AXDND1: variants seen among roughly 807,000 people sequenced by gnomAD.
AXDND1 encodes the protein axonemal dynein light chain domain-containing protein 1.
A neutral mutation model predicts 137.5 loss-of-function variants in AXDND1; 110 were observed. The ratio of observed to expected loss-of-function variants is 0.80; its 90% CI spans 0.69 to 0.94. The LOEUF (loss-of-function observed/expected upper bound fraction) is 0.94, where lower values mean the gene tolerates loss of function less well. Ranked by LOEUF, AXDND1 falls within the 40% of genes least tolerant of loss-of-function variation. The pLI is 0.00. For missense variants in AXDND1, 1,191 were observed against 1,169.8 expected, an observed-to-expected ratio of 1.02 and a Z score of -0.26; for synonymous variants, 414 against 399.7, an observed-to-expected ratio of 1.04 and a Z score of -0.43.
intron 16 of AXDND1, among the ~76,000 whole-genome samples, chr1:179,459,801 T>C (rs1661984481): frequency 6.8e-6 from 1 of 147,786 alleles, no homozygotes; most frequent in Admixed American, 6.8e-5. Context: ...CTCTCTCTCT[T>C]TCTTTCCTTC....
At chr1:179,407,063 T>C (rs956684918) in intron 11 of AXDND1, among the ~76,000 whole-genome samples, 21 of 152,110 alleles carry the variant, frequency 1.4e-4, no homozygotes, top group Non-Finnish European at 1.8e-4. Context: ...TGCATGATGG[T>C]AGATATTGTC....
intron 12 of AXDND1, among the ~76,000 whole-genome samples, chr1:179,417,672 C>A (rs1333144505): frequency 6.6e-6 from 1 of 151,900 alleles, no homozygotes; most frequent in Non-Finnish European, 1.5e-5. Flanking sequence ...GTTCTTTTTG[C>A]ACAGGATTGC....
chr1:179,368,824 A>C lies in AXDND1; in HGVS notation c.122A>C (p.Lys41Thr). Residue 41 changes from lysine (K) to threonine (T), a missense_variant, in exon 3 of 26, where the codon AAA (lysine) becomes ACA (threonine). By Grantham distance (78) the Lys-to-Thr change is moderately conservative. Coordinates refer to ENST00000367618, the MANE Select transcript of AXDND1 (RefSeq NM_144696.6). ...TRGLPELKEK[K>T]NMVDRSKLLP... ...GGACTTCCTGAGCTAAAGGAGAAAAAAAATATGGTGGATCGTTCAAAACTC... is the reference window on the plus strand; with the variant it reads ...GGACTTCCTGAGCTAAAGGAGAAAACAAATATGGTGGATCGTTCAAAACTC... 1 of 1,611,962 alleles carries C rather than the reference A, an allele frequency of 6.2e-7. No individual in the cohort carries two copies. The highest frequency in any genetic ancestry group is 8.5e-7 in the Non-Finnish European group (1 of 1,179,268).
intron 11 of AXDND1, among the ~76,000 whole-genome samples, chr1:179,403,606 C>T (rs1343167313): frequency 6.6e-6 from 1 of 152,208 alleles, no homozygotes; most frequent in African/African-American, 2.4e-5. Context: ...CAGAGTCTCG[C>T]TCTGTCGCCC....
At chr1:179,519,944 A>G (rs771184972) in intron 21 of AXDND1, among the ~76,000 whole-genome samples, 6 of 152,284 alleles carry the variant, frequency 3.9e-5, no homozygotes, top group Non-Finnish European at 7.4e-5. Flanking sequence ...GTAGTTTGAT[A>G]GGAATAGCAT....
intron 21 of AXDND1, among the ~76,000 whole-genome samples, chr1:179,510,887 C>A (rs1668976827): frequency 6.6e-6 from 1 of 151,682 alleles, no homozygotes; most frequent in Non-Finnish European, 1.5e-5. Flanking sequence ...GTCTTTTATC[C>A]CTTGCCCCCC....
At position 179,551,266 on chromosome 1, in the gene AXDND1, G is replaced by T. The variant is rs373172860; in HGVS notation, c.3032-3246G>T. 3 of 1,614,104 alleles carry T rather than the reference G, an allele frequency of 1.9e-6. No individual in the cohort carries two copies. The highest frequency in any genetic ancestry group is 2.5e-6 in the Non-Finnish European group (3 of 1,180,000). Reference sequence around the variant, plus strand: ...GGAGGCTTCCCTGAGTTCTGTTGCTGGGAGAAGACAGGCAATTCAGTAGGT... The same window carrying T: ...GGAGGCTTCCCTGAGTTCTGTTGCTTGGAGAAGACAGGCAATTCAGTAGGT... On this transcript the variant is annotated intron_variant, in intron 25 of 25. Coordinates refer to ENST00000367618, the MANE Select transcript of AXDND1 (RefSeq NM_144696.6).
intron 11 of AXDND1, among the ~76,000 whole-genome samples, chr1:179,409,380 G>A (rs78371342): frequency 0.066 from 9,996 of 152,076 alleles, 382 homozygotes; most frequent in African/African-American, 0.08. Flanking sequence ...AAAAAAATAT[G>A]TAAGATCTTG....
chr1:179,520,488 G>T (rs1160501579), intron 21 of AXDND1, among the ~76,000 whole-genome samples: 3 of 151,498 alleles, frequency 2.0e-5, no homozygotes, highest in Non-Finnish European at 4.4e-5. Flanking sequence ...ATGTTGCCTC[G>T]GCTGGTCTCA....
At chr1:179,545,922 G>A (rs1672600978) in intron 25 of AXDND1, 1 of 152,198 alleles carries the variant, frequency 6.6e-6, no homozygotes, top group African/African-American at 2.4e-5. Flanking sequence ...AAAAGATAAT[G>A]TATTGAAAGG....
At chr1:179,542,486 C>T (rs185881395) in intron 25 of AXDND1, among the ~76,000 whole-genome samples, 30 of 152,316 alleles carry the variant, frequency 2.0e-4, no homozygotes, top group African/African-American at 5.8e-4. Context: ...TATTACAAGT[C>T]TGACAATCAG....
rs766479859 is a variant in AXDND1, at chr1:179,366,459, T to A, written c.-51T>A. On this transcript the variant is annotated 5_prime_UTR_variant, in exon 2 of 26. Transcript: ENST00000367618. ...GGCGCTGATTTGTGTCTAAATTAGC[T>A]TTCCGGAGGACTATTTCAAATTACT... 4.0e-6 allele frequency: 6 copies of A among 1,486,242 alleles called. No individual in the cohort carries two copies. The highest frequency in any genetic ancestry group is 4.7e-6 in the Non-Finnish European group (5 of 1,065,966). 92.1% of individuals were successfully genotyped at this position (1,486,242 alleles called of 1,614,324 possible).
At chr1:179,520,798 T>G (rs1669977422) in intron 21 of AXDND1, among the ~76,000 whole-genome samples, 1 of 150,544 alleles carries the variant, frequency 6.6e-6, no homozygotes, top group South Asian at 2.1e-4. Context: ...CTGAATATTT[T>G]ATTTTTTGCT....
At chr1:179,447,772 A>T (rs1272554063) in intron 16 of AXDND1, 8 of 1,336,038 alleles carry the variant, frequency 6.0e-6, no homozygotes, top group African/African-American at 2.9e-5. Context: ...TCTTGAGTTT[A>T]CAAATTCATT....
chr1:179,514,307 G>T (rs113262069), intron 21 of AXDND1, among the ~76,000 whole-genome samples: 1 of 151,956 alleles, frequency 6.6e-6, no homozygotes, highest in African/African-American at 2.4e-5. Flanking sequence ...TTTAATTTCC[G>T]TCTGAGTTTT....
At chr1:179,417,842 G>A (rs906873514) in intron 12 of AXDND1, among the ~76,000 whole-genome samples, 1 of 151,952 alleles carries the variant, frequency 6.6e-6, no homozygotes, top group Non-Finnish European at 1.5e-5. Flanking sequence ...TCCAGTCCAT[G>A]AGCATGGAAT....
intron 25 of AXDND1, among the ~76,000 whole-genome samples, chr1:179,550,247 G>A (rs529894290): frequency 7.9e-5 from 12 of 152,110 alleles, no homozygotes; most frequent in Non-Finnish European, 1.3e-4. Flanking sequence ...TTTTTCTGCA[G>A]ATATGCATTT....
At chr1:179,372,356 G>A (rs1668116213) in intron 4 of AXDND1, among the ~76,000 whole-genome samples, 1 of 152,144 alleles carries the variant, frequency 6.6e-6, no homozygotes, top group South Asian at 2.1e-4. Flanking sequence ...CTGGTATGAG[G>A]AAGTACCTGT....
At chr1:179,549,911 C>T (rs1467369362) in intron 25 of AXDND1, among the ~76,000 whole-genome samples, 3 of 152,110 alleles carry the variant, frequency 2.0e-5, no homozygotes, top group Non-Finnish European at 4.4e-5. Flanking sequence ...ATGAGACATT[C>T]TAGGAAATCA....
Sources: allele counts gnomAD v4.1 joint callset (sites outside exome capture counted in the v4.1 genomes callset), GRCh38; gene constraint gnomAD v4.1.1; transcripts MANE v1.5; gene names NCBI Gene and HGNC (gene_info 2026-07-23, HGNC 2026-07-21).